Variants in MBNL2 observed in about 807,000 individuals in gnomAD.
MBNL2 encodes the protein muscleblind-like protein 2.
In MBNL2, 17 loss-of-function variants were observed where a neutral mutation model predicts 41.9. That is an observed-to-expected ratio of 0.41 (90% confidence interval 0.28 to 0.61). MBNL2 has a LOEUF of 0.61. MBNL2 is among the 20% of genes least tolerant of loss of function. The probability of loss-of-function intolerance (pLI) is 0.35; values close to 1 mark genes in which losing one functional copy is unlikely to be tolerated. For synonymous variants in MBNL2, 195 were observed against 182.9 expected (o/e 1.07, Z -0.53); for missense variants, 336 against 505.6 (o/e 0.66, Z 3.22).
chr13:97,340,886 CAA>C (rs2061392816), intron 3 of MBNL2, among the ~76,000 whole-genome samples: 1 of 152,046 alleles, frequency 6.6e-6, no homozygotes, highest in Non-Finnish European at 1.5e-5. Flanking sequence ...TGTCGATATC[CAA>C]AATGGTTTTG....
At position 97,230,363 on chromosome 13, in the gene MBNL2, G is replaced by A. The variant is rs557398432; in HGVS notation, c.-605+7832G>A. Reference sequence around the variant, plus strand: ...GGAATAGGGTTGAAGGAGGGTGGGCGATGATGAGTTTTTAGACTTGAGAAT... The same window carrying A: ...GGAATAGGGTTGAAGGAGGGTGGGCAATGATGAGTTTTTAGACTTGAGAAT... On this transcript the variant is annotated intron_variant, in intron 1 of 8. Coordinates refer to ENST00000679496, the MANE Select transcript of MBNL2 (RefSeq NM_001382683.1). 5.3e-5 allele frequency among the ~76,000 whole-genome samples: 8 copies of A among 152,314 alleles called. No individual in the cohort carries two copies. In the South Asian group the frequency reaches 1.2e-3, roughly 24 times the overall value.
chr13:97,243,411 T>C (rs2152817290), intron 1 of MBNL2, among the ~76,000 whole-genome samples: 1 of 152,080 alleles, frequency 6.6e-6, no homozygotes, highest in Non-Finnish European at 1.5e-5. Flanking sequence ...AGCAGCAAGG[T>C]CAGCCTCAAG....
chr13:97,343,872 T>C (rs561211251), intron 4 of MBNL2, among the ~76,000 whole-genome samples: 1 of 152,324 alleles, frequency 6.6e-6, no homozygotes, highest in African/African-American at 2.4e-5. Context: ...AATGGTGCAA[T>C]CTTGGCTCAC....
chr13:97,195,834 T>A, the MBNL2 span, among the ~76,000 whole-genome samples: 1 of 152,186 alleles, frequency 6.6e-6, no homozygotes, highest in Non-Finnish European at 1.5e-5. Context: ...TACGAGAGCC[T>A]CATATTCTAC....
intron 1 of MBNL2, among the ~76,000 whole-genome samples, chr13:97,269,148 C>A (rs542784099): frequency 6.6e-6 from 1 of 152,062 alleles, no homozygotes; most frequent in African/African-American, 2.4e-5. Flanking sequence ...AGGTTCTGCA[C>A]TGGAAGGAGC....
At position 97,391,608 on chromosome 13, in the gene MBNL2, T is replaced by C. The variant is rs2066393829; in HGVS notation, c.*159T>C. On this transcript the variant is annotated 3_prime_UTR_variant, in exon 9 of 9. Coordinates refer to ENST00000679496, the MANE Select transcript of MBNL2 (RefSeq NM_001382683.1). ...GTTTAAAGACATAAAGGATAAAGTT[T>C]ACTTTTAAAGGGTTTCTAAACATAG... is the stretch of plus-strand genomic sequence containing the variant. 3 of 589,256 alleles carry C rather than the reference T, an allele frequency of 5.1e-6. No individual in the cohort carries two copies. Among genetic ancestry groups the C allele is most frequent in the Non-Finnish European group, 5.9e-6 (2 of 336,958 alleles). 36.5% of individuals were successfully genotyped at this position (589,256 alleles called of 1,614,324 possible). A position where few individuals can be genotyped will look rare whatever the true frequency, so the allele number is the denominator to read the frequency against.
chr13:97,153,027 T>C, the MBNL2 span, among the ~76,000 whole-genome samples: 54 of 152,174 alleles, frequency 3.5e-4, no homozygotes, highest in African/African-American at 1.3e-3. Flanking sequence ...TGTGTCTATA[T>C]AAGAAGATTT....
the MBNL2 span, among the ~76,000 whole-genome samples, chr13:97,201,039 A>G: frequency 6.6e-6 from 1 of 151,916 alleles, no homozygotes; most frequent in African/African-American, 2.4e-5. Flanking sequence ...TATTTCCTCT[A>G]TCTCTCTCAC....
At chr13:97,308,670 G>A (rs908695363) in intron 2 of MBNL2, among the ~76,000 whole-genome samples, 2 of 152,182 alleles carry the variant, frequency 1.3e-5, no homozygotes, top group African/African-American at 4.8e-5. Flanking sequence ...CTGCTTTAGA[G>A]GCCCCTGAAG....
At chr13:97,264,864 T>C (rs907288934) in intron 1 of MBNL2, among the ~76,000 whole-genome samples, 1 of 152,230 alleles carries the variant, frequency 6.6e-6, no homozygotes, top group African/African-American at 2.4e-5. Flanking sequence ...AATTCAGGGC[T>C]AGATTTCAGC....
the MBNL2 span, among the ~76,000 whole-genome samples, chr13:97,201,274 G>A: frequency 3.8e-4 from 58 of 152,204 alleles, no homozygotes; most frequent in African/African-American, 1.3e-3. Flanking sequence ...TCGCATTCCC[G>A]TTTCCAATTA....
the MBNL2 span, among the ~76,000 whole-genome samples, chr13:97,205,163 T>C: frequency 6.8e-6 from 1 of 146,918 alleles, no homozygotes; most frequent in Non-Finnish European, 1.5e-5. Context: ...AGAGTGAGAC[T>C]CTGTCTCAAA....
At position 97,343,201 on chromosome 13, in the gene MBNL2, G is replaced by T. The variant is rs915467839; in HGVS notation, c.525G>T (p.Arg175Ser). 2 of 1,605,522 alleles carry T rather than the reference G, an allele frequency of 1.2e-6. No individual in the cohort carries two copies. The highest frequency in any genetic ancestry group is 1.7e-6 in the Non-Finnish European group (2 of 1,175,676). ...CAACTGCAACTCAGAAACTTCTCAGGACTGACAAACTGGAGGTACTTCAAT... is the reference window on the plus strand; with the variant it reads ...CAACTGCAACTCAGAAACTTCTCAGTACTGACAAACTGGAGGTACTTCAAT... ...PGSTATQKLL[R>S]TDKLEVCREF... The change falls in exon 4 of 9, where the codon AGG (arginine) becomes AGT (serine). Residue 175 changes from arginine to serine, a missense_variant. Arg to Ser is a moderately radical substitution (Grantham distance 110). Transcript: ENST00000679496.
At position 97,366,728 on chromosome 13, in the gene MBNL2, T is replaced by A; in HGVS notation, c.1048+1557T>A. ...AGGTTGCACTTATTTAGAGTTAACA[T>A]TTACTGCAAATAATGATGTAGCTAT... On this transcript the variant is annotated intron_variant, in intron 8 of 8. Transcript: ENST00000679496. This position sits in a 1 kb window ranked among gnomAD's most constrained non-coding sequence, Gnocchi z 4.7. 1.5e-6 allele frequency: 1 copy of A among 673,568 alleles called. No individual in the cohort carries two copies. Among genetic ancestry groups the A allele is most frequent in the Non-Finnish European group, 2.7e-6 (1 of 374,190 alleles). The allele number at this position is 673,568 out of a possible 1,614,324, so 41.7% of individuals were successfully genotyped here. A position where few individuals can be genotyped will look rare whatever the true frequency, so the allele number is the denominator to read the frequency against.
chr13:97,233,135 A>C (rs1304618645), intron 1 of MBNL2, among the ~76,000 whole-genome samples: 2 of 64,184 alleles, frequency 3.1e-5, no homozygotes, highest in African/African-American at 6.7e-5. Context: ...TCATATATAT[A>C]TATATATATA....
chr13:97,265,596 C>T (rs955429231), intron 1 of MBNL2, among the ~76,000 whole-genome samples: 1 of 152,220 alleles, frequency 6.6e-6, no homozygotes, highest in Non-Finnish European at 1.5e-5. Flanking sequence ...ACTTATACTT[C>T]GTTGACTTTG....
chr13:97,247,067 A>G (rs868813540), intron 1 of MBNL2, among the ~76,000 whole-genome samples: 2 of 152,216 alleles, frequency 1.3e-5, no homozygotes, highest in East Asian at 1.9e-4. Flanking sequence ...CCTATTGTCT[A>G]TCTCTGAAAT....
At chr13:97,261,310 A>T (rs893978398) in intron 1 of MBNL2, among the ~76,000 whole-genome samples, 7 of 152,104 alleles carry the variant, frequency 4.6e-5, no homozygotes, top group Non-Finnish European at 1.0e-4. Flanking sequence ...ATGCACACAC[A>T]TCAAGAAATT....
the MBNL2 span, among the ~76,000 whole-genome samples, chr13:97,150,549 T>G: frequency 6.6e-6 from 1 of 152,198 alleles, no homozygotes; most frequent in Non-Finnish European, 1.5e-5. Flanking sequence ...TGGTGAAGAC[T>G]TGAATATAGT....
Sources: allele counts gnomAD v4.1 joint callset (sites outside exome capture counted in the v4.1 genomes callset), GRCh38; gene constraint gnomAD v4.1.1; non-coding constraint Gnocchi (gnomAD v3.1); transcripts MANE v1.5; gene names NCBI Gene and HGNC (gene_info 2026-07-23, HGNC 2026-07-21).